KCNAB1: variants seen among roughly 807,000 people sequenced by gnomAD.
The protein encoded by KCNAB1 is potassium voltage-gated channel subfamily A regulatory beta subunit 1, also known as voltage-gated potassium channel subunit beta-1.
Under a neutral mutation model 64.6 loss-of-function variants are expected in KCNAB1, and 35 were observed. The ratio of observed to expected loss-of-function variants is 0.54; its 90% CI spans 0.41 to 0.72. KCNAB1 has a LOEUF of 0.72. Ranked by LOEUF, KCNAB1 falls within the 30% of genes least tolerant of loss-of-function variation. The pLI is 0.00. For missense variants in KCNAB1, 401 were observed against 512.9 expected, an observed-to-expected ratio of 0.78 and a Z score of 2.11; for synonymous variants, 177 against 183.8, an observed-to-expected ratio of 0.96 and a Z score of 0.30.
chr3:156,216,986 G>A (rs1238118237), intron 1 of KCNAB1: 1 of 152,176 alleles, frequency 6.6e-6, no homozygotes, highest in African/African-American at 2.4e-5. Context: ...TTTTCAACTA[G>A]AGTTGAACCG....
chr3:156,416,216 T>C (rs1715064382), intron 1 of KCNAB1, among the ~76,000 whole-genome samples: 2 of 152,170 alleles, frequency 1.3e-5, no homozygotes, highest in South Asian at 4.1e-4. Flanking sequence ...CAACCCATTT[T>C]CCCTGCTAAC....
chr3:156,280,217 A>C (rs1462598482), intron 1 of KCNAB1, among the ~76,000 whole-genome samples: 19 of 149,038 alleles, frequency 1.3e-4, no homozygotes, highest in Admixed American at 2.7e-4. Flanking sequence ...CCATTTATTA[A>C]ATAGGGAATC....
chr3:156,182,423 C>T (rs949143191), intron 1 of KCNAB1, among the ~76,000 whole-genome samples: 2 of 152,106 alleles, frequency 1.3e-5, no homozygotes, highest in African/African-American at 4.8e-5. Context: ...GTGCAAATAA[C>T]CTAACATTGA....
rs553105383 is a variant in KCNAB1, at chr3:156,228,705, A to T, written c.275+107819A>T. On this transcript the variant is annotated intron_variant, in intron 1 of 13. Transcript: ENST00000490337. ...TCAGGTTGAGTTCCAGGCTTTTCTT[A>T]CCCTTGACCTAGGTTGGAGTCAATG... Among the ~76,000 whole-genome samples the T allele has an allele frequency of 8.5e-5, 13 of 152,242 alleles. 1 individual carries two copies. Among genetic ancestry groups the T allele is most frequent in the African/African-American group, 2.6e-4 (11 of 41,544 alleles).
At chr3:156,343,408 G>T (rs1304042639) in intron 1 of KCNAB1, among the ~76,000 whole-genome samples, 1 of 152,182 alleles carries the variant, frequency 6.6e-6, no homozygotes, top group South Asian at 2.1e-4. Context: ...CTATAAGCAG[G>T]TAAAAAGCTA....
intron 1 of KCNAB1, chr3:156,143,362 C>T (rs201450806): frequency 3.8e-5 from 61 of 1,610,450 alleles, no homozygotes; most frequent in East Asian, 1.6e-4. Context: ...AAAGTTTCTA[C>T]GTGTTCATGG....
intron 6 of KCNAB1, among the ~76,000 whole-genome samples, chr3:156,464,485 A>AAAAAT (rs1553750782): frequency 2.7e-5 from 4 of 147,718 alleles, no homozygotes; most frequent in Non-Finnish European, 6.0e-5. Flanking sequence ...AATCGCAAAA[A>AAAAAT]AATAATAATA....
At position 156,337,256 on chromosome 3, in the gene KCNAB1, G is replaced by A. The variant is rs189474592; in HGVS notation, c.276-84360G>A. 4.6e-5 allele frequency among the ~76,000 whole-genome samples: 7 copies of A among 152,326 alleles called. No homozygotes were observed. In the East Asian group the frequency reaches 1.3e-3, roughly 29 times the overall value. ...CTGAAGTTGGGGCGGGTTGGAGTGA[G>A]GAAGTTGCTATTTTGAGGAGTACAG... On this transcript the variant is annotated intron_variant, in intron 1 of 13. Coordinates refer to ENST00000490337, the MANE Select transcript of KCNAB1 (RefSeq NM_172160.3).
intron 1 of KCNAB1, among the ~76,000 whole-genome samples, chr3:156,325,666 A>G (rs958648883): frequency 6.6e-6 from 1 of 151,954 alleles, no homozygotes; most frequent in African/African-American, 2.4e-5. Context: ...TAAAATTATC[A>G]TACTGGCCAG....
At chr3:156,197,507 G>T (rs759143629) in intron 1 of KCNAB1, among the ~76,000 whole-genome samples, 8 of 152,150 alleles carry the variant, frequency 5.3e-5, no homozygotes, top group Non-Finnish European at 8.8e-5. Context: ...TCTATACAGA[G>T]ATTTGACTTC....
At chr3:156,157,640 T>C (rs1167381905) in intron 1 of KCNAB1, among the ~76,000 whole-genome samples, 3 of 152,228 alleles carry the variant, frequency 2.0e-5, no homozygotes, top group Non-Finnish European at 2.9e-5. Flanking sequence ...TTGAGGTGTG[T>C]ATGCGTATGC....
Position 156,197,244 on chromosome 3 carries a change from G to A in KCNAB1, c.275+76358G>A, listed in dbSNP as rs559829509. ...GATTTTTGCATTGATGTTCATCAGG[G>A]ATATTGGCCTGAAATTTTCTTTTTT... is the stretch of plus-strand genomic sequence containing the variant. On this transcript the variant is annotated intron_variant, in intron 1 of 13. Transcript: ENST00000490337. Among the ~76,000 whole-genome samples the A allele has an allele frequency of 7.2e-5, 11 of 152,296 alleles. No homozygotes were observed. The East Asian group carries it at 1.7e-3, about 24-fold the overall frequency.
intron 1 of KCNAB1, among the ~76,000 whole-genome samples, chr3:156,414,675 C>T (rs1042882849): frequency 1.4e-4 from 21 of 152,074 alleles, no homozygotes; most frequent in Middle Eastern, 3.2e-3. Context: ...TTTATGTATC[C>T]GCAGATTATA....
chr3:156,177,396 A>G (rs895015195), intron 1 of KCNAB1, among the ~76,000 whole-genome samples: 1 of 152,182 alleles, frequency 6.6e-6, no homozygotes, highest in Admixed American at 6.5e-5. Flanking sequence ...TATTTATTTG[A>G]GAGGGAGTCT....
chr3:156,434,591 GAA>G (rs966553856), intron 2 of KCNAB1, among the ~76,000 whole-genome samples: 1 of 148,870 alleles, frequency 6.7e-6, no homozygotes, highest in Admixed American at 6.7e-5. Flanking sequence ...ATTGGGTGAG[GAA>G]AAAAAAATGC....
chr3:156,349,662 G>A (rs1724726673), intron 1 of KCNAB1, among the ~76,000 whole-genome samples: 1 of 152,100 alleles, frequency 6.6e-6, no homozygotes, highest in South Asian at 2.1e-4. Context: ...CTGGGCTCAG[G>A]TAATCCTCCC....
At chr3:156,478,679 G>A (rs1714560168) in intron 8 of KCNAB1, among the ~76,000 whole-genome samples, 1 of 152,120 alleles carries the variant, frequency 6.6e-6, no homozygotes, top group African/African-American at 2.4e-5. Context: ...TATTCATGTG[G>A]TTTCTACCAT....
Position 156,198,913 on chromosome 3 carries a change from A to ATTTTTT in KCNAB1, c.275+78052_275+78057dup, listed in dbSNP as rs71138701. On this transcript the variant is annotated intron_variant, in intron 1 of 13. Coordinates refer to ENST00000490337, the MANE Select transcript of KCNAB1 (RefSeq NM_172160.3). ...TATTGTCATTGGTCTTTATATTTTG[A>ATTTTTT]TTTTTTTTTTTTTTTTTTTTTTTTT... 4.7e-3 allele frequency among the ~76,000 whole-genome samples: 99 copies of ATTTTTT among 21,274 alleles called. 9 individuals are homozygous for ATTTTTT. The highest frequency in any genetic ancestry group is 6.6e-3 in the Non-Finnish European group (73 of 11,072). 14.0% of individuals were successfully genotyped at this position (21,274 alleles called of 152,430 possible). A position where few individuals can be genotyped will look rare whatever the true frequency, so the allele number is the denominator to read the frequency against.
chr3:156,188,716 C>T (rs896015181), intron 1 of KCNAB1, among the ~76,000 whole-genome samples: 3 of 152,138 alleles, frequency 2.0e-5, no homozygotes, highest in African/African-American at 7.2e-5. Context: ...TACTTAACAA[C>T]GTATGTTTGA....
Sources: gnomAD v4.1 joint callset for allele counts (sites outside exome capture counted in the v4.1 genomes callset) on GRCh38, gnomAD v4.1.1 for gene constraint, MANE v1.5 for transcripts, NCBI Gene and HGNC (gene_info 2026-07-23, HGNC 2026-07-21) for gene names.